The following ARHGAP8 variants were observed in gnomAD, a reference collection of about 807,000 sequenced individuals.
ARHGAP8 encodes Rho GTPase activating protein 8, also known as rho GTPase-activating protein 8.
A neutral mutation model predicts 46.1 loss-of-function variants in ARHGAP8; 62 were observed. That is an observed-to-expected ratio of 1.34 (90% CI 1.10 to 1.66). The LOEUF is 1.66. Among genes scored for constraint, ARHGAP8 ranks in the 40% most tolerant of loss-of-function variants. The pLI, the probability that ARHGAP8 is intolerant of heterozygous loss-of-function variation, is 0.00. For synonymous variants in ARHGAP8, 375 were observed against 243.1 expected (o/e 1.54, Z -5.05); for missense variants, 923 against 568.4 (o/e 1.62, Z -6.34).
intron 11 of ARHGAP8, among the ~76,000 whole-genome samples, chr22:44,861,234 G>C (rs1461480510): frequency 6.6e-6 from 1 of 152,106 alleles, no homozygotes; most frequent in Admixed American, 6.5e-5. Context: ...GGCCTCTTAA[G>C]AGTGCTGGGA....
chr22:44,788,213 T>G (rs5766015), intron 2 of ARHGAP8, among the ~76,000 whole-genome samples: 64,805 of 151,622 alleles, frequency 0.43, 14,204 homozygotes, highest in East Asian at 0.55. Context: ...CCACCTCCCG[T>G]GTTCAAGTGA....
At chr22:44,779,096 AC>A (rs1485310609) in intron 1 of ARHGAP8, among the ~76,000 whole-genome samples, 1 of 30,082 alleles carries the variant, frequency 3.3e-5, no homozygotes, top group Admixed American at 3.1e-4. Context: ...TTGGTCTCTG[AC>A]TTTTTTTTTT....
At chr22:44,813,565 C>T (rs1929510889) in intron 4 of ARHGAP8, among the ~76,000 whole-genome samples, 1 of 151,872 alleles carries the variant, frequency 6.6e-6, no homozygotes, top group Non-Finnish European at 1.5e-5. Context: ...CATACACCTA[C>T]ATACAACTAC....
chr22:44,861,556 G>A (rs917599887), intron 11 of ARHGAP8, among the ~76,000 whole-genome samples: 1 of 152,166 alleles, frequency 6.6e-6, no homozygotes, highest in Non-Finnish European at 1.5e-5. Context: ...CCTCCCTCCA[G>A]TTCTCTGCTC....
intron 4 of ARHGAP8, 98 bp downstream of exon 4, chr22:44,808,536 G>A (rs1054074723): frequency 1.6e-5 from 25 of 1,538,752 alleles, no homozygotes; most frequent in Non-Finnish European, 2.2e-5. Flanking sequence ...CAGTGGGGGA[G>A]GGGTCTGGTA....
chr22:44,808,818 A>AAAAACC (rs1170508176), intron 4 of ARHGAP8: 2 of 372,936 alleles, frequency 5.4e-6, no homozygotes, highest in Non-Finnish European at 1.0e-5. Flanking sequence ...ACAAAAAAAA[A>AAAAACC]AAAACCAAAA....
intron 5 of ARHGAP8, among the ~76,000 whole-genome samples, chr22:44,815,269 C>T (rs1929653129): frequency 6.6e-6 from 1 of 152,200 alleles, no homozygotes; most frequent in Non-Finnish European, 1.5e-5. Context: ...GCATGGCTGG[C>T]CGCGGAAGCT....
chr22:44,793,792 G>C (rs1479990501), intron 2 of ARHGAP8, among the ~76,000 whole-genome samples: 1 of 152,186 alleles, frequency 6.6e-6, no homozygotes, highest in Non-Finnish European at 1.5e-5. Context: ...GCATTTTATT[G>C]ATAGTTTTCA....
intron 7 of ARHGAP8, among the ~76,000 whole-genome samples, chr22:44,841,869 G>T (rs1431540523): frequency 6.6e-6 from 1 of 152,206 alleles, no homozygotes; most frequent in African/African-American, 2.4e-5. Flanking sequence ...GCAGGGAGGT[G>T]ACTGCCCTCC....
intron 1 of ARHGAP8, among the ~76,000 whole-genome samples, chr22:44,758,292 T>G (rs1469651068): frequency 1.3e-5 from 2 of 152,056 alleles, no homozygotes; most frequent in African/African-American, 2.4e-5. Context: ...TGTGGTGGCG[T>G]GCACCTGTAA....
intron 3 of ARHGAP8, among the ~76,000 whole-genome samples, chr22:44,804,236 G>A (rs940907885): frequency 2.0e-5 from 3 of 152,176 alleles, no homozygotes; most frequent in African/African-American, 7.2e-5. Flanking sequence ...CTTGCTGCTG[G>A]TGTCTGCTGT....
chr22:44,861,782 G>T lies in ARHGAP8; in HGVS notation c.982-493G>T, dbSNP rs190131502. 4.6e-5 allele frequency among the ~76,000 whole-genome samples: 7 copies of T among 152,254 alleles called. No homozygotes were observed. In the East Asian group the frequency reaches 1.2e-3, roughly 25 times the overall value. ...TAAGATGGGGAGTAATGACTCCCCC[G>T]TGCTGGGGTTGCACGTGTTGGCGGA... On this transcript the variant is annotated intron_variant, in intron 11 of 11. Coordinates refer to ENST00000356099, the MANE Select transcript of ARHGAP8 (RefSeq NM_181335.3).
chr22:44,799,547 G>A, intron 2 of ARHGAP8, among the ~76,000 whole-genome samples: 1 of 152,134 alleles, frequency 6.6e-6, no homozygotes, highest in East Asian at 1.9e-4. Flanking sequence ...GGGGGCAGAG[G>A]TAGGGGCCTC....
chr22:44,837,667 T>C (rs1273238174), intron 7 of ARHGAP8, among the ~76,000 whole-genome samples: 1 of 152,090 alleles, frequency 6.6e-6, no homozygotes. Flanking sequence ...GTCAGTCCAT[T>C]GAACAAGCCT....
intron 8 of ARHGAP8, among the ~76,000 whole-genome samples, chr22:44,847,067 G>A (rs2069975316): frequency 6.6e-6 from 1 of 152,156 alleles, no homozygotes; most frequent in Non-Finnish European, 1.5e-5. Flanking sequence ...GGGAGGTCAG[G>A]CCTTGCAAGT....
intron 11 of ARHGAP8, among the ~76,000 whole-genome samples, chr22:44,861,315 G>A (rs1476392864): frequency 2.0e-5 from 3 of 152,092 alleles, no homozygotes; most frequent in South Asian, 2.1e-4. Flanking sequence ...CTCTCTAGCC[G>A]CCACCTCCAT....
intron 4 of ARHGAP8, among the ~76,000 whole-genome samples, chr22:44,812,089 G>C (rs913695791): frequency 5.9e-5 from 9 of 151,848 alleles, no homozygotes; most frequent in African/African-American, 2.2e-4. Flanking sequence ...TGTTCTCTCT[G>C]CCTTTGGCTT....
chr22:44,835,838 C>T (rs1340296987), intron 7 of ARHGAP8, among the ~76,000 whole-genome samples: 1 of 152,172 alleles, frequency 6.6e-6, no homozygotes, highest in East Asian at 1.9e-4. Context: ...CAGAAAAGAA[C>T]TGGTAAGTAT....
chr22:44,838,663 C>G (rs369886704), intron 7 of ARHGAP8, among the ~76,000 whole-genome samples: 1 of 152,182 alleles, frequency 6.6e-6, no homozygotes, highest in Non-Finnish European at 1.5e-5. Context: ...CACATTGTCC[C>G]GCCTGTTGAG....
Sources: allele counts gnomAD v4.1 joint callset (sites outside exome capture counted in the v4.1 genomes callset), GRCh38; gene constraint gnomAD v4.1.1; transcripts MANE v1.5; gene names NCBI Gene and HGNC (gene_info 2026-07-23, HGNC 2026-07-21).